The following SRGAP3 variants were observed in gnomAD, a reference collection of about 807,000 sequenced individuals.
SRGAP3 encodes SLIT-ROBO Rho GTPase activating protein 3.
In SRGAP3, 39 loss-of-function variants were observed where a neutral mutation model predicts 121.1. That is an observed-to-expected ratio of 0.32 (90% CI 0.25 to 0.42). The LOEUF (loss-of-function observed/expected upper bound fraction) is 0.42. Ranked by LOEUF, SRGAP3 falls within the 10% of genes least tolerant of loss-of-function variation. The pLI is 1.00. For missense variants in SRGAP3, 1,213 were observed against 1,470.6 expected, an observed-to-expected ratio of 0.82 and a Z score of 2.86; for synonymous variants, 601 against 570.0, an observed-to-expected ratio of 1.05 and a Z score of -0.77.
intron 1 of SRGAP3, among the ~76,000 whole-genome samples, chr3:9,350,576 T>C (rs1427476859): frequency 6.6e-6 from 1 of 152,254 alleles, no homozygotes; most frequent in African/African-American, 2.4e-5. Context: ...GTTGTAACTA[T>C]GTTTGAAGAA....
At chr3:9,326,323 T>G (rs1240471542) in intron 2 of SRGAP3, among the ~76,000 whole-genome samples, 1 of 151,912 alleles carries the variant, frequency 6.6e-6, no homozygotes, top group African/African-American at 2.4e-5. Context: ...AAATGACAAT[T>G]GAATGAAATC....
intron 12 of SRGAP3, 150 bp downstream of exon 12, chr3:9,032,500 C>A: frequency 1.3e-6 from 1 of 754,752 alleles, no homozygotes; most frequent in African/African-American, 1.7e-5. Flanking sequence ...CGTGAAAAGT[C>A]CTTGCTGAAG....
At position 9,075,662 on chromosome 3, in the gene SRGAP3, G is replaced by A. The variant is rs144509793; in HGVS notation, c.486+4363C>T. Among the ~76,000 whole-genome samples the A allele has an allele frequency of 2.6e-3, 403 of 152,166 alleles. 2 individuals carry two copies. The highest frequency in any genetic ancestry group is 8.8e-3 in the African/African-American group (366 of 41,528). On this transcript the variant is annotated intron_variant, in intron 4 of 21. Coordinates refer to ENST00000383836, the MANE Select transcript of SRGAP3 (RefSeq NM_014850.4). ...CATCATTATACCCTGTAGGACCCCC[G>A]GAACAGACCACCACCACCTCCCTTA...
intron 1 of SRGAP3, among the ~76,000 whole-genome samples, chr3:9,202,601 C>T (rs977467142): frequency 2.6e-5 from 4 of 152,202 alleles, no homozygotes; most frequent in Non-Finnish European, 5.9e-5. Flanking sequence ...TGGAAACTGC[C>T]TGCCTGCCCC....
chr3:9,215,728 CCTT>C (rs1435839564), intron 1 of SRGAP3, among the ~76,000 whole-genome samples: 1 of 152,224 alleles, frequency 6.6e-6, no homozygotes, highest in Non-Finnish European at 1.5e-5. Context: ...GCTGGGGCAT[CCTT>C]CTTCTCCTGC....
intron 14 of SRGAP3, among the ~76,000 whole-genome samples, chr3:9,021,792 A>G (rs1411412064): frequency 6.6e-6 from 1 of 152,220 alleles, no homozygotes; most frequent in Non-Finnish European, 1.5e-5. Flanking sequence ...TTTAAATTTT[A>G]AAAATAAAAG....
chr3:9,090,472 A>C (rs755595498), intron 3 of SRGAP3, among the ~76,000 whole-genome samples: 7 of 152,144 alleles, frequency 4.6e-5, no homozygotes, highest in Non-Finnish European at 1.0e-4. Context: ...AGTTCTTGAC[A>C]TACACAGCTC....
chr3:9,329,078 T>C (rs548535618), intron 2 of SRGAP3, among the ~76,000 whole-genome samples: 1 of 152,314 alleles, frequency 6.6e-6, no homozygotes, highest in Admixed American at 6.5e-5. Flanking sequence ...CACGAGTTTA[T>C]GGGGTCCTAA....
intron 1 of SRGAP3, among the ~76,000 whole-genome samples, chr3:9,334,615 C>CTGG (rs1955660181): frequency 1.3e-5 from 2 of 152,170 alleles, no homozygotes; most frequent in Non-Finnish European, 2.9e-5. Context: ...ATAATATTCT[C>CTGG]ATAAACAAAG....
At chr3:9,117,936 T>C (rs758891044) in intron 2 of SRGAP3, among the ~76,000 whole-genome samples, 6 of 152,084 alleles carry the variant, frequency 3.9e-5, no homozygotes, top group Non-Finnish European at 7.4e-5. Context: ...CTGGACAACA[T>C]AGCAAGACCC....
chr3:9,044,023 C>T (rs1256992558), intron 10 of SRGAP3, among the ~76,000 whole-genome samples: 1 of 152,166 alleles, frequency 6.6e-6, no homozygotes, highest in Non-Finnish European at 1.5e-5. Flanking sequence ...AAGGTATGTG[C>T]TCTTGCTCCC....
chr3:9,051,456 G>A (rs555691935), intron 9 of SRGAP3, among the ~76,000 whole-genome samples: 38 of 152,220 alleles, frequency 2.5e-4, no homozygotes, highest in African/African-American at 8.7e-4. Context: ...TGAGTAACTG[G>A]ATCAGGATGT....
Position 9,068,475 on chromosome 3 carries a change from G to A in SRGAP3, c.487-3894C>T, listed in dbSNP as rs912189959. Among the ~76,000 whole-genome samples the A allele has an allele frequency of 3.9e-5, 6 of 152,126 alleles. No individual in the cohort carries two copies. In the East Asian group the frequency reaches 7.7e-4, roughly 20 times the overall value. ...TTCCAAAAATCCCATGCTTGGAGAA[G>A]ACAACCCAAGTACCCTGGGGCCAAA... is the stretch of plus-strand genomic sequence containing the variant. On this transcript the variant is annotated intron_variant, in intron 4 of 21. Coordinates refer to ENST00000383836, the MANE Select transcript of SRGAP3 (RefSeq NM_014850.4).
chr3:9,018,431 G>T (rs1415827444), intron 14 of SRGAP3, among the ~76,000 whole-genome samples: 1 of 152,134 alleles, frequency 6.6e-6, no homozygotes, highest in East Asian at 1.9e-4. Flanking sequence ...AAATCTCCAT[G>T]CTGTTTTCCA....
chr3:9,027,056 T>C, intron 12 of SRGAP3, 61 bp from the exon 13 acceptor site: 4 of 1,481,148 alleles, frequency 2.7e-6, no homozygotes, highest in Admixed American at 1.7e-5. Flanking sequence ...GAAAAAGACA[T>C]TGCAAACACC....
intron 1 of SRGAP3, among the ~76,000 whole-genome samples, chr3:9,138,939 A>G (rs1247002229): frequency 2.0e-5 from 3 of 147,418 alleles, no homozygotes; most frequent in African/African-American, 8.1e-5. Context: ...GGAATACTCA[A>G]CCTGTACCAA....
Position 9,047,586 on chromosome 3 carries a change from C to T in SRGAP3, c.1324-111G>A, listed in dbSNP as rs1043581850. On this transcript the variant is annotated intron_variant, in intron 9 of 21. Transcript: ENST00000383836. ...GAAGCCGAACAGAGATCACGTCACCCGCAGGGACCCCGGCGCAGGGAACAG... is the reference window on the plus strand; with the variant it reads ...GAAGCCGAACAGAGATCACGTCACCTGCAGGGACCCCGGCGCAGGGAACAG... The T allele has an allele frequency of 1.2e-4, 123 of 1,014,710 alleles. No individual in the cohort carries two copies. The East Asian group carries it at 1.2e-3, about 10-fold the overall frequency. 62.9% of individuals were successfully genotyped at this position (1,014,710 alleles called of 1,614,324 possible).
intron 1 of SRGAP3, among the ~76,000 whole-genome samples, chr3:9,165,561 T>A (rs1950757061): frequency 6.6e-6 from 1 of 152,192 alleles, no homozygotes; most frequent in Admixed American, 6.5e-5. Context: ...TCTGATCACG[T>A]CACCCCTCCT....
At chr3:9,161,880 A>G (rs1950610467) in intron 1 of SRGAP3, among the ~76,000 whole-genome samples, 1 of 152,024 alleles carries the variant, frequency 6.6e-6, no homozygotes, top group Non-Finnish European at 1.5e-5. Context: ...ACCTCAATGT[A>G]GCATCATTCA....
Sources: gnomAD v4.1 joint callset for allele counts (sites outside exome capture counted in the v4.1 genomes callset) on GRCh38, gnomAD v4.1.1 for gene constraint, MANE v1.5 for transcripts, NCBI Gene and HGNC (gene_info 2026-07-23, HGNC 2026-07-21) for gene names.